CHSY3: variants seen among roughly 807,000 people sequenced by gnomAD.
The protein encoded by CHSY3 is chondroitin sulfate synthase 3.
Under a neutral mutation model 67.2 loss-of-function variants are expected in CHSY3, and 35 were observed. That is an observed-to-expected ratio of 0.52 (90% CI 0.40 to 0.69). The LOEUF (loss-of-function observed/expected upper bound fraction) is 0.69, where lower values mean the gene tolerates loss of function less well. Among genes scored for constraint, CHSY3 ranks in the 30% least tolerant of loss-of-function variants. The pLI is 0.00. For synonymous variants in CHSY3, 474 were observed against 434.7 expected (o/e 1.09, Z -1.12); for missense variants, 1,069 against 1,138.5 (o/e 0.94, Z 0.88).
chr5:130,013,199 G>T (rs538602911), intron 2 of CHSY3, among the ~76,000 whole-genome samples: 1 of 152,282 alleles, frequency 6.6e-6, no homozygotes, highest in South Asian at 2.1e-4. Flanking sequence ...GGCTTTGCAG[G>T]GTACAGCCCC....
chr5:130,096,445 A>G (rs1330733648), intron 2 of CHSY3, among the ~76,000 whole-genome samples: 1 of 152,130 alleles, frequency 6.6e-6, no homozygotes, highest in Non-Finnish European at 1.5e-5. Context: ...TGTGAGAAAT[A>G]TTTTAAAAGT....
At chr5:130,133,483 A>G (rs1768548207) in intron 2 of CHSY3, among the ~76,000 whole-genome samples, 1 of 152,124 alleles carries the variant, frequency 6.6e-6, no homozygotes, top group African/African-American at 2.4e-5. Context: ...ATAAGTTTAC[A>G]AGGTAAGGCC....
At chr5:129,985,812 GTC>G (rs1195782897) in intron 2 of CHSY3, among the ~76,000 whole-genome samples, 3 of 152,118 alleles carry the variant, frequency 2.0e-5, no homozygotes, top group African/African-American at 7.2e-5. Context: ...GTCTTGATTT[GTC>G]TCTCAGCTTG....
At chr5:129,998,646 A>G (rs1394067887) in intron 2 of CHSY3, among the ~76,000 whole-genome samples, 1 of 152,086 alleles carries the variant, frequency 6.6e-6, no homozygotes, top group Non-Finnish European at 1.5e-5. Context: ...TGATTTTGTC[A>G]ATCTGATTAT....
At chr5:130,077,057 C>G (rs1766288595) in intron 2 of CHSY3, among the ~76,000 whole-genome samples, 1 of 150,934 alleles carries the variant, frequency 6.6e-6, no homozygotes, top group Non-Finnish European at 1.5e-5. Flanking sequence ...TGTAACTAAC[C>G]TGCACATTGT....
chr5:130,051,336 T>TAA (rs1765349604), intron 2 of CHSY3, among the ~76,000 whole-genome samples: 7 of 152,140 alleles, frequency 4.6e-5, no homozygotes, highest in African/African-American at 1.4e-4. Flanking sequence ...AACTTTTTTT[T>TAA]AAAGGAGCTA....
intron 2 of CHSY3, among the ~76,000 whole-genome samples, chr5:129,987,914 A>G (rs1221593968): frequency 6.6e-6 from 1 of 152,202 alleles, no homozygotes; most frequent in Non-Finnish European, 1.5e-5. Flanking sequence ...CATGAAGATC[A>G]TATTATGACT....
intron 2 of CHSY3, among the ~76,000 whole-genome samples, chr5:130,124,733 C>G (rs1244035333): frequency 6.6e-6 from 1 of 152,202 alleles, no homozygotes; most frequent in African/African-American, 2.4e-5. Context: ...GATGGGATTA[C>G]AGGCGTGAGC....
chr5:129,962,724 G>A (rs1190590563), intron 2 of CHSY3, among the ~76,000 whole-genome samples: 1 of 151,950 alleles, frequency 6.6e-6, no homozygotes, highest in African/African-American at 2.4e-5. Context: ...CTCTTTGATG[G>A]TGACATCAAG....
chr5:129,966,581 A>G (rs549778046), intron 2 of CHSY3, among the ~76,000 whole-genome samples: 1 of 151,926 alleles, frequency 6.6e-6, no homozygotes, highest in South Asian at 2.1e-4. Flanking sequence ...GTCTCATAAC[A>G]TCTCGGAGGT....
chr5:129,937,974 G>A (rs1369844440), intron 2 of CHSY3, among the ~76,000 whole-genome samples: 5 of 152,130 alleles, frequency 3.3e-5, no homozygotes, highest in East Asian at 1.9e-4. Flanking sequence ...TTCCCTAGTC[G>A]AGGTTTTCCA....
At chr5:130,122,757 C>T (rs1413338798) in intron 2 of CHSY3, among the ~76,000 whole-genome samples, 2 of 152,156 alleles carry the variant, frequency 1.3e-5, no homozygotes, top group East Asian at 3.8e-4. Context: ...AAAATCTTAT[C>T]GTCAGCCAGG....
chr5:129,981,060 A>T (rs890548610), intron 2 of CHSY3, among the ~76,000 whole-genome samples: 6 of 150,538 alleles, frequency 4.0e-5, no homozygotes, highest in African/African-American at 1.5e-4. Context: ...CAAAAAAAAA[A>T]AAAAAAAAAA....
In CHSY3 at chr5:130,001,253, G is replaced by A. The variant is rs559172900; in HGVS notation, c.1086+92893G>A. 1.3e-3 allele frequency: 206 copies of A among 164,508 alleles called. 1 individual carries two copies. Among genetic ancestry groups the A allele is most frequent in the Middle Eastern group, 3.1e-3 (1 of 324 alleles). 10.2% of individuals were successfully genotyped at this position (164,508 alleles called of 1,614,324 possible). A position where few individuals can be genotyped will look rare whatever the true frequency, so the allele number is the denominator to read the frequency against. On this transcript the variant is annotated intron_variant, in intron 2 of 2. Coordinates refer to ENST00000305031, the MANE Select transcript of CHSY3 (RefSeq NM_175856.5). ...CCTCTCAGTGCTCAGGTTACCTGGA[G>A]GTTGAATTTATACTCAAGGGAAAGA...
At chr5:130,095,503 G>T (rs763528666) in intron 2 of CHSY3, among the ~76,000 whole-genome samples, 1 of 152,120 alleles carries the variant, frequency 6.6e-6, no homozygotes, top group Non-Finnish European at 1.5e-5. Flanking sequence ...TCCAAAGAAT[G>T]GAATAAATAT....
rs1188170190 is a variant in CHSY3 at position 130,186,499 on chromosome 5, A to G, written c.*708A>G. On this transcript the variant is annotated 3_prime_UTR_variant, in exon 3 of 3. Transcript: ENST00000305031. ...TATTTTCTCAAGGAAATATGATTTA[A>G]TTAAATATTCATGTACATTTTAGAA... is the stretch of plus-strand genomic sequence containing the variant. 1 of 152,778 alleles carries G rather than the reference A, an allele frequency of 6.5e-6. No homozygotes were observed. The highest frequency in any genetic ancestry group is 1.9e-4 in the East Asian group (1 of 5,344). 9.5% of individuals were successfully genotyped at this position (152,778 alleles called of 1,614,324 possible).
intron 2 of CHSY3, among the ~76,000 whole-genome samples, chr5:130,033,876 A>G (rs980676461): frequency 4.6e-5 from 7 of 152,320 alleles, no homozygotes; most frequent in African/African-American, 1.7e-4. Flanking sequence ...AAAAGTAACT[A>G]TCTCAGAACA....
intron 2 of CHSY3, among the ~76,000 whole-genome samples, chr5:129,968,157 G>GA (rs768341737): frequency 6.6e-6 from 1 of 151,734 alleles, no homozygotes; most frequent in Non-Finnish European, 1.5e-5. Flanking sequence ...TACTGTTGGG[G>GA]AATCTAAATT....
chr5:130,009,684 G>A (rs1264609287), intron 2 of CHSY3, among the ~76,000 whole-genome samples: 1 of 152,056 alleles, frequency 6.6e-6, no homozygotes, highest in African/African-American at 2.4e-5. Context: ...CCATTTAAAA[G>A]GCACAGAGTG....
Sources: allele counts gnomAD v4.1 joint callset (sites outside exome capture counted in the v4.1 genomes callset), GRCh38; gene constraint gnomAD v4.1.1; transcripts MANE v1.5; gene names NCBI Gene and HGNC (gene_info 2026-07-23, HGNC 2026-07-21).